Variants in DDC observed in about 807,000 individuals in gnomAD.
The protein encoded by DDC is dopa decarboxylase.
Under a neutral mutation model 60.0 loss-of-function variants are expected in DDC, and 43 were observed. The observed-to-expected ratio is 0.72, with a 90% CI of 0.56 to 0.92. The LOEUF (loss-of-function observed/expected upper bound fraction) is 0.92, where lower values mean the gene tolerates loss of function less well. Among genes scored for constraint, DDC ranks in the 40% least tolerant of loss-of-function variants. DDC has a pLI of 0.00. For synonymous variants in DDC, 232 were observed against 234.6 expected, an observed-to-expected ratio of 0.99 and a Z score of 0.10; for missense variants, 573 against 620.2, an observed-to-expected ratio of 0.92 and a Z score of 0.81.
intron 4 of DDC, among the ~76,000 whole-genome samples, chr7:50,532,748 AT>A (rs377189192): frequency 1.3e-5 from 2 of 152,202 alleles, no homozygotes; most frequent in African/African-American, 2.4e-5. Flanking sequence ...GATTGATAAG[AT>A]TTTTTTGAGG....
intron 8 of DDC, among the ~76,000 whole-genome samples, chr7:50,498,486 C>G (rs544606340): frequency 3.9e-5 from 6 of 152,336 alleles, no homozygotes; most frequent in Middle Eastern, 3.4e-3. Flanking sequence ...GAGCCACCAC[C>G]AACAATGAAA....
intron 6 of DDC, among the ~76,000 whole-genome samples, chr7:50,522,935 T>A (rs1441069855): frequency 6.6e-6 from 1 of 152,156 alleles, no homozygotes; most frequent in Non-Finnish European, 1.5e-5. Context: ...TGCTACACAC[T>A]GTTTAAACAG....
chr7:50,562,468 G>A (rs1027889187), intron 1 of DDC, among the ~76,000 whole-genome samples: 3 of 152,252 alleles, frequency 2.0e-5, no homozygotes, highest in African/African-American at 7.2e-5. Context: ...TGACCACAGA[G>A]GAGAGGCAGG....
chr7:50,460,763 C>T (rs903307217), intron 14 of DDC, among the ~76,000 whole-genome samples: 2 of 151,734 alleles, frequency 1.3e-5, no homozygotes, highest in African/African-American at 2.4e-5. Flanking sequence ...CAACCCTGTG[C>T]TCTCTGAAAC....
chr7:50,532,705 C>T (rs900981465), intron 4 of DDC, among the ~76,000 whole-genome samples: 7 of 152,132 alleles, frequency 4.6e-5, no homozygotes, highest in Non-Finnish European at 8.8e-5. Context: ...AAAAGTAGCT[C>T]TTATTATAAT....
At chr7:50,463,109 G>T in intron 14 of DDC, 104 bp downstream of exon 14, 1 of 883,962 alleles carries the variant, frequency 1.1e-6, no homozygotes, top group Non-Finnish European at 1.8e-6. Context: ...CACTCTGGCA[G>T]CATTGAGTGG....
chr7:50,470,046 C>A (rs185203909), intron 12 of DDC, 27 bp downstream of exon 12: 1 of 1,432,570 alleles, frequency 7.0e-7, no homozygotes, highest in Non-Finnish European at 9.9e-7. Flanking sequence ...GCAATTTTAC[C>A]GTGATAAATA....
rs1247240020 is a variant in DDC at position 50,476,056 on chromosome 7, C to G, written c.1041+568G>C. Among the ~76,000 whole-genome samples the G allele has an allele frequency of 4.6e-5, 7 of 152,296 alleles. No homozygotes were observed. In the East Asian group the frequency reaches 1.2e-3, roughly 25 times the overall value. Reference sequence around the variant, plus strand: ...CCACACCTCTGTTCCCCCTGAGTTTCACCCTCCCCCTTGGGTTCTATTCTT... The same window carrying G: ...CCACACCTCTGTTCCCCCTGAGTTTGACCCTCCCCCTTGGGTTCTATTCTT... On this transcript the variant is annotated intron_variant, in intron 11 of 14. Coordinates refer to ENST00000444124, the MANE Select transcript of DDC (RefSeq NM_001082971.2).
At chr7:50,554,678 G>A (rs1023715579) in intron 1 of DDC, among the ~76,000 whole-genome samples, 1 of 152,180 alleles carries the variant, frequency 6.6e-6, no homozygotes, top group African/African-American at 2.4e-5. Context: ...CAGAGTTAGT[G>A]CTCAGGCCTA....
chr7:50,475,348 T>C (rs17553495), intron 11 of DDC, among the ~76,000 whole-genome samples: 3,096 of 152,342 alleles, frequency 0.02, 53 homozygotes, highest in Non-Finnish European at 0.031. Flanking sequence ...AAGTTTTAAA[T>C]GGCATCATCC....
intron 8 of DDC, among the ~76,000 whole-genome samples, chr7:50,498,319 C>G (rs558256237): frequency 6.6e-6 from 1 of 152,246 alleles, no homozygotes; most frequent in Non-Finnish European, 1.5e-5. Context: ...CACGACACCT[C>G]CTGCCCCTTG....
intron 4 of DDC, among the ~76,000 whole-genome samples, chr7:50,535,927 A>G (rs768542663): frequency 3.9e-5 from 6 of 152,208 alleles, no homozygotes; most frequent in East Asian, 1.9e-4. Flanking sequence ...CCGATCTTAT[A>G]TGTGGTCACA....
intron 14 of DDC, among the ~76,000 whole-genome samples, chr7:50,461,803 C>G (rs1490806228): frequency 6.6e-6 from 1 of 152,172 alleles, no homozygotes; most frequent in African/African-American, 2.4e-5. Context: ...TGAGATACCA[C>G]TTTGGAGTTG....
chr7:50,557,346 T>C (rs1273932592), intron 1 of DDC, among the ~76,000 whole-genome samples: 1 of 152,186 alleles, frequency 6.6e-6, no homozygotes, highest in Non-Finnish European at 1.5e-5. Context: ...TCCACTCATA[T>C]CTCTGTAACC....
chr7:50,544,167 G>A (rs2044728915), intron 1 of DDC, 54 bp from the exon 2 acceptor site: 1 of 1,386,632 alleles, frequency 7.2e-7, no homozygotes, highest in East Asian at 2.3e-5. Context: ...GAACTGGAAG[G>A]CGGGGATACC....
chr7:50,473,641 G>T (rs949946206), intron 11 of DDC, among the ~76,000 whole-genome samples: 17 of 152,102 alleles, frequency 1.1e-4, no homozygotes, highest in Non-Finnish European at 2.5e-4. Context: ...CTGCTGTGGT[G>T]CTTCCCATCT....
intron 10 of DDC, among the ~76,000 whole-genome samples, chr7:50,479,353 C>T (rs1245153470): frequency 6.6e-6 from 1 of 152,246 alleles, no homozygotes; most frequent in East Asian, 1.9e-4. Context: ...CTTATTTTCT[C>T]TTCCCTCACC....
intron 6 of DDC, among the ~76,000 whole-genome samples, chr7:50,526,603 G>T (rs763604974): frequency 1.1e-4 from 16 of 152,134 alleles, no homozygotes; most frequent in Non-Finnish European, 2.2e-4. Context: ...ATAGACAGCA[G>T]ATAACATTTA....
intron 8 of DDC, 134 bp downstream of exon 8, chr7:50,499,014 C>A (rs1046996909): frequency 2.6e-5 from 19 of 741,372 alleles, no homozygotes; most frequent in Non-Finnish European, 4.1e-5. Flanking sequence ...CTGAGGAAGT[C>A]GGAATTGGTT....
Sources: allele counts gnomAD v4.1 joint callset (sites outside exome capture counted in the v4.1 genomes callset), GRCh38; gene constraint gnomAD v4.1.1; transcripts MANE v1.5; gene names NCBI Gene and HGNC (gene_info 2026-07-23, HGNC 2026-07-21).